ARK2N: variants seen among roughly 807,000 people sequenced by gnomAD.
ARK2N encodes arkadia (RNF111) N-terminal like PKA signaling regulator 2N, also known as protein ARK2N.
the ARK2N span, among the ~76,000 whole-genome samples, chr18:46,241,694 C>T: frequency 4.0e-5 from 6 of 151,858 alleles, no homozygotes; most frequent in Non-Finnish European, 8.8e-5. Flanking sequence ...CACTGCACTC[C>T]AGCCTGGGTG....
the ARK2N span, among the ~76,000 whole-genome samples, chr18:46,256,866 A>G: frequency 6.6e-6 from 1 of 152,208 alleles, no homozygotes; most frequent in Non-Finnish European, 1.5e-5. Flanking sequence ...GTAGCCTGCT[A>G]ATCTTTCAAA....
chr18:46,242,515 A>G, the ARK2N span, among the ~76,000 whole-genome samples: 3 of 152,230 alleles, frequency 2.0e-5, no homozygotes, highest in Admixed American at 1.3e-4. Flanking sequence ...TTTAAGAAAT[A>G]AAACGTGGTA....
the ARK2N span, among the ~76,000 whole-genome samples, chr18:46,196,363 TC>T: frequency 0.011 from 1,605 of 146,824 alleles, 37 homozygotes; most frequent in African/African-American, 0.038. Context: ...CCGGGTTCAT[TC>T]CATTCTCCTG....
At chr18:46,182,551 C>T in the ARK2N span, among the ~76,000 whole-genome samples, 4 of 151,868 alleles carry the variant, frequency 2.6e-5, no homozygotes, top group Non-Finnish European at 5.9e-5. Context: ...TTAGACCAGC[C>T]GGGGCAACAA....
chr18:46,219,358 CTT>C, the ARK2N span: 1 of 151,736 alleles, frequency 6.6e-6, no homozygotes, highest in Admixed American at 6.6e-5. Flanking sequence ...ATTTGGCAGA[CTT>C]AGAGTTGAGT....
chr18:46,198,133 CT>C, the ARK2N span, among the ~76,000 whole-genome samples: 5 of 151,860 alleles, frequency 3.3e-5, no homozygotes, highest in African/African-American at 1.2e-4. Flanking sequence ...GAAACACTGT[CT>C]CTACTAAAAA....
chr18:46,220,126 A>G, the ARK2N span, among the ~76,000 whole-genome samples: 1 of 152,166 alleles, frequency 6.6e-6, no homozygotes, highest in African/African-American at 2.4e-5. Context: ...TTGTGGTTAA[A>G]TGCTTATTCA....
the ARK2N span, chr18:46,216,214 G>A: frequency 1.2e-5 from 20 of 1,613,654 alleles, 1 homozygote; most frequent in East Asian, 6.7e-5. The surrounding 1 kb of genome is among the most constrained non-coding windows in gnomAD (Gnocchi z 4.3). Context: ...GTTGTCTTCC[G>A]CAGAAGAGAA....
chr18:46,186,815 G>A, the ARK2N span, among the ~76,000 whole-genome samples: 652 of 144,096 alleles, frequency 4.5e-3, 5 homozygotes, highest in African/African-American at 0.015. Context: ...GCCGAATTTT[G>A]TTTTTTTAAC....
At chr18:46,192,678 T>C in the ARK2N span, among the ~76,000 whole-genome samples, 1 of 151,618 alleles carries the variant, frequency 6.6e-6, no homozygotes, top group African/African-American at 2.4e-5. Flanking sequence ...GCGATTCTCC[T>C]GCCTCAGTCT....
chr18:46,252,186 C>A, the ARK2N span, among the ~76,000 whole-genome samples: 1 of 147,044 alleles, frequency 6.8e-6, no homozygotes, highest in African/African-American at 2.5e-5. Flanking sequence ...GAGCGAGACT[C>A]CATCTCAAAA....
the ARK2N span, among the ~76,000 whole-genome samples, chr18:46,193,597 T>C: frequency 1.4e-5 from 2 of 140,820 alleles, no homozygotes; most frequent in African/African-American, 5.5e-5. Flanking sequence ...CCGGGTTTTT[T>C]TTTTTTTTTT....
the ARK2N span, among the ~76,000 whole-genome samples, chr18:46,191,723 C>A: frequency 6.6e-6 from 1 of 152,096 alleles, no homozygotes; most frequent in Non-Finnish European, 1.5e-5. Context: ...TGGTGTTGTA[C>A]ATTGTAGGGG....
chr18:46,182,683 CTT>C, the ARK2N span, among the ~76,000 whole-genome samples: 765 of 87,782 alleles, frequency 8.7e-3, 3 homozygotes, highest in African/African-American at 0.029. Flanking sequence ...AGCCACAGTG[CTT>C]TTTTTTTTTT....
the ARK2N span, among the ~76,000 whole-genome samples, chr18:46,193,488 C>T: frequency 6.6e-6 from 1 of 151,616 alleles, no homozygotes; most frequent in South Asian, 2.1e-4. Context: ...GGGGTTTCAC[C>T]ACGTTGGTCA....
the ARK2N span, among the ~76,000 whole-genome samples, chr18:46,180,885 C>G: frequency 8.6e-5 from 13 of 152,022 alleles, no homozygotes; most frequent in South Asian, 2.1e-4. Flanking sequence ...TAGTGTTTTC[C>G]CTTATAAATT....
At chr18:46,177,431 CTTTTTT>C in the ARK2N span, among the ~76,000 whole-genome samples, 4 of 89,320 alleles carry the variant, frequency 4.5e-5, no homozygotes, top group South Asian at 4.6e-4. Context: ...TTTTTCTTTA[CTTTTTT>C]TTTTTTTTTT....
At chr18:46,255,170 G>A in the ARK2N span, among the ~76,000 whole-genome samples, 2 of 152,234 alleles carry the variant, frequency 1.3e-5, no homozygotes, top group East Asian at 1.9e-4. Context: ...TACGTTAAGG[G>A]TATCTTTTTC....
the ARK2N span, among the ~76,000 whole-genome samples, chr18:46,214,403 T>A: frequency 1.3e-5 from 2 of 152,240 alleles, no homozygotes; most frequent in Non-Finnish European, 2.9e-5. Context: ...TTTAGCATCC[T>A]CTTTAAAAAC....
Sources: allele counts gnomAD v4.1 joint callset (sites outside exome capture counted in the v4.1 genomes callset), GRCh38; gene constraint gnomAD v4.1.1; non-coding constraint Gnocchi (gnomAD v3.1); transcripts MANE v1.5; gene names NCBI Gene and HGNC (gene_info 2026-07-23, HGNC 2026-07-21).